Variants in C1QTNF6 observed in about 807,000 individuals in gnomAD.
The protein encoded by C1QTNF6 is C1q and TNF related 6, also known as complement C1q tumor necrosis factor-related protein 6.
In C1QTNF6, 17 loss-of-function variants were observed where a neutral mutation model predicts 20.7. That is an observed-to-expected ratio of 0.82 (90% CI 0.56 to 1.23). The LOEUF is 1.23. Ranked by LOEUF, C1QTNF6 falls within the 50% of genes most tolerant of loss-of-function variation. The probability of loss-of-function intolerance (pLI) is 0.00; values close to 1 mark genes in which losing one functional copy is unlikely to be tolerated. For missense variants in C1QTNF6, 329 were observed against 389.7 expected, an observed-to-expected ratio of 0.84 and a Z score of 1.31; for synonymous variants, 130 against 156.3, an observed-to-expected ratio of 0.83 and a Z score of 1.25.
At chr22:37,197,753 G>A (rs1439163354), upstream of C1QTNF6, 1 of 152,300 alleles carries the variant, frequency 6.6e-6, no homozygotes, top group Non-Finnish European at 1.5e-5. Flanking sequence ...CCTCCCATTA[G>A]CTTTGACCGT....
rs1314473732 is a variant in C1QTNF6, at chr22:37,184,019, G to T, written c.289+1199C>A. Among the ~76,000 whole-genome samples, 5 of 152,174 alleles carry T rather than the reference G, an allele frequency of 3.3e-5. No individual in the cohort carries two copies. Among genetic ancestry groups the T allele is most frequent in the Non-Finnish European group, 5.9e-5 (4 of 68,012 alleles). On this transcript the variant is annotated intron_variant, in intron 2 of 2. Coordinates refer to ENST00000337843, the MANE Select transcript of C1QTNF6 (RefSeq NM_031910.4). This position sits in a 1 kb window ranked among gnomAD's most constrained non-coding sequence, Gnocchi z 4.0. ...CCACCTCCCAGCAGGCTGCTGAGCT[G>T]GGCCCAGGAGCAGTGACCCTGGGTT...
intron 1 of C1QTNF6, chr22:37,185,924 C>A (rs1214264127): frequency 2.0e-6 from 2 of 986,278 alleles, no homozygotes; most frequent in Non-Finnish European, 2.4e-6. Flanking sequence ...AAACACATGC[C>A]CTCCGGGCAG....
At position 37,184,595 on chromosome 22, in the gene C1QTNF6, C is replaced by T. The variant is rs943928848; in HGVS notation, c.289+623G>A. On this transcript the variant is annotated intron_variant, in intron 2 of 2. Transcript: ENST00000337843. The surrounding 1 kb of genome is among the most constrained non-coding windows in gnomAD (Gnocchi z 4.0). ...CCACAGGGCTGCATGCTCCGACCCT[C>T]GGCCCCCGCTGGTTGCTCTCCACAT... Among the ~76,000 whole-genome samples the T allele has an allele frequency of 5.3e-5, 8 of 151,904 alleles. No homozygotes were observed. Among genetic ancestry groups the T allele is most frequent in the Admixed American group, 1.3e-4 (2 of 15,260 alleles).
At chr22:37,194,490 A>C (rs1328914316) in intron 2 of C1QTNF6, among the ~76,000 whole-genome samples, 3 of 152,192 alleles carry the variant, frequency 2.0e-5, no homozygotes, top group Non-Finnish European at 4.4e-5. Context: ...CTTTGCCAGC[A>C]TGCCAGGTTT....
At chr22:37,189,611 G>C (rs898488477), upstream of C1QTNF6, among the ~76,000 whole-genome samples, 2 of 152,158 alleles carry the variant, frequency 1.3e-5, no homozygotes, top group Admixed American at 1.3e-4. Flanking sequence ...AGAGTCTCTT[G>C]GGTTTGGTGC....
In C1QTNF6 at chr22:37,184,400, C is replaced by A; in HGVS notation, c.289+818G>T. ...GTCAAGGCCTGGTCACAGCCGTCAG[C>A]CACCACAGCCTGGAAGGGAAGCGAG... is the stretch of plus-strand genomic sequence containing the variant. On this transcript the variant is annotated intron_variant, in intron 2 of 2. Coordinates refer to ENST00000337843, the MANE Select transcript of C1QTNF6 (RefSeq NM_031910.4). This position sits in a 1 kb window ranked among gnomAD's most constrained non-coding sequence, Gnocchi z 4.0. The A allele has an allele frequency of 1.4e-6, 1 of 717,356 alleles. No homozygotes were observed. The highest frequency in any genetic ancestry group is 2.6e-6 in the Non-Finnish European group (1 of 385,048). The allele number at this position is 717,356 out of a possible 1,614,324, so 44.4% of individuals were successfully genotyped here.
upstream of C1QTNF6, among the ~76,000 whole-genome samples, chr22:37,189,710 G>A (rs1924688574): frequency 6.6e-6 from 1 of 152,190 alleles, no homozygotes; most frequent in African/African-American, 2.4e-5. Flanking sequence ...GAAGATTAAT[G>A]TGTTCAATTT....
At chr22:37,187,917 C>G (rs76740640) in intron 1 of C1QTNF6, among the ~76,000 whole-genome samples, 20 of 152,184 alleles carry the variant, frequency 1.3e-4, no homozygotes, top group Middle Eastern at 3.4e-3. Flanking sequence ...CAACTTTTCT[C>G]GGTCCAGGCA....
intron 1 of C1QTNF6, chr22:37,186,100 T>C: frequency 1.0e-6 from 1 of 985,544 alleles, no homozygotes; most frequent in Non-Finnish European, 1.2e-6. Flanking sequence ...GAAAGCAACG[T>C]CCATGAGAGC....
rs539921741 is a variant in C1QTNF6, at chr22:37,193,646, AC to A, written n.224+1734del. Among the ~76,000 whole-genome samples the A allele has an allele frequency of 2.1e-3, 315 of 152,368 alleles. 1 individual carries two copies. The highest frequency in any genetic ancestry group is 7.2e-3 in the African/African-American group (298 of 41,584). On this transcript the variant is annotated intron_variant and non_coding_transcript_variant, in intron 2 of 4. Transcript: ENST00000467564. ...AACAGCCAATATTTCTGGCTTTTGA[AC>A]TTCACTAACAGTAACCTCCCAGGTG... is the stretch of plus-strand genomic sequence containing the variant.
At chr22:37,187,576 A>T (rs1351323333) in intron 1 of C1QTNF6, among the ~76,000 whole-genome samples, 17 of 53,718 alleles carry the variant, frequency 3.2e-4, no homozygotes, top group African/African-American at 2.5e-3. Context: ...AAAGACTTAA[A>T]AAAAAAAAAA....
chr22:37,186,929 A>G (rs1924399996), intron 1 of C1QTNF6, among the ~76,000 whole-genome samples: 2 of 152,194 alleles, frequency 1.3e-5, no homozygotes, highest in Non-Finnish European at 2.9e-5. Context: ...TTAAAGGGGC[A>G]GGATGGCCAG....
exon 1 of C1QTNF6, chr22:37,197,742 C>T (rs1925229813): frequency 6.6e-6 from 1 of 152,264 alleles, no homozygotes; most frequent in Admixed American, 6.5e-5. Context: ...TCAGTATTTT[C>T]CCTCCCATTA....
chr22:37,192,291 C>T (rs149248874), upstream of C1QTNF6, among the ~76,000 whole-genome samples: 124 of 152,256 alleles, frequency 8.1e-4, no homozygotes, highest in Non-Finnish European at 1.4e-3. Context: ...TAACATATTA[C>T]GATGTTAACT....
chr22:37,188,973 C>T (rs943161572), upstream of C1QTNF6, among the ~76,000 whole-genome samples: 5 of 152,212 alleles, frequency 3.3e-5, no homozygotes, highest in Admixed American at 6.5e-5. Context: ...AGAATGGCTA[C>T]TCCATAGGCA....
At position 37,195,889 on chromosome 22, in the gene C1QTNF6, C is replaced by T. The variant is rs188130689; in HGVS notation, n.147-431G>A. 3.3e-5 allele frequency: 5 copies of T among 152,316 alleles called. No homozygotes were observed. In the East Asian group the frequency reaches 9.7e-4, roughly 29 times the overall value. The allele number at this position is 152,316 out of a possible 1,614,324, so 9.4% of individuals were successfully genotyped here. On this transcript the variant is annotated intron_variant and non_coding_transcript_variant, in intron 1 of 4. Transcript: ENST00000467564. ...GATGACCAGAGATCACTTTCATCACCATCTTGGATTTGGTGTGTTTTGGCC... is the reference window on the plus strand; with the variant it reads ...GATGACCAGAGATCACTTTCATCACTATCTTGGATTTGGTGTGTTTTGGCC...
intron 1 of C1QTNF6, chr22:37,196,322 G>A (rs938038455): frequency 1.3e-5 from 2 of 152,262 alleles, no homozygotes; most frequent in Non-Finnish European, 2.9e-5. Context: ...CTTCTTGTTA[G>A]GCAGGGGGAA....
Position 37,182,437 on chromosome 22 carries a change from A to G in C1QTNF6, c.588T>C (p.Asn196=). The part of the protein sequence containing the change: ...PLRGIYFFSL[N]VHSWNYKETY... ...TCTCCTTGTAATTCCAGCTGTGCAC[A>G]TTGAGGCTGAAGAAGTAGATGCCAC... Residue 196 remains asparagine (N), a synonymous_variant, in exon 3 of 3, where the codon AAT becomes AAC. Transcript: ENST00000337843. 6.2e-7 allele frequency: 1 copy of G among 1,614,242 alleles called. No individual in the cohort carries two copies. Among genetic ancestry groups the G allele is most frequent in the Non-Finnish European group, 8.5e-7 (1 of 1,180,046 alleles).
chr22:37,195,203 A>G (rs1925068396), intron 2 of C1QTNF6, among the ~76,000 whole-genome samples: 1 of 152,248 alleles, frequency 6.6e-6, no homozygotes, highest in Non-Finnish European at 1.5e-5. Flanking sequence ...ACCAAGGGAC[A>G]TGACCGAGGG....
Sources: gnomAD v4.1 joint callset for allele counts (sites outside exome capture counted in the v4.1 genomes callset) on GRCh38, gnomAD v4.1.1 for gene constraint, Gnocchi (gnomAD v3.1) non-coding constraint, MANE v1.5 for transcripts, NCBI Gene and HGNC (gene_info 2026-07-23, HGNC 2026-07-21) for gene names.